SASS6: variants seen among roughly 807,000 people sequenced by gnomAD.
SASS6 encodes the protein spindle assembly abnormal protein 6 homolog.
Under a neutral mutation model 94.9 loss-of-function variants are expected in SASS6, and 59 were observed. The ratio of observed to expected loss-of-function variants is 0.62; its 90% CI spans 0.50 to 0.77. The LOEUF is 0.77. SASS6 is among the 30% of genes least tolerant of loss of function. The probability of loss-of-function intolerance (pLI) is 0.00; values close to 1 mark genes in which losing one functional copy is unlikely to be tolerated. For synonymous variants in SASS6, 264 were observed against 270.0 expected (o/e 0.98, Z 0.22); for missense variants, 698 against 734.1 (o/e 0.95, Z 0.57).
intron 7 of SASS6, among the ~76,000 whole-genome samples, chr1:100,113,477 C>T (rs1653535301): frequency 6.6e-6 from 1 of 151,840 alleles, no homozygotes. Flanking sequence ...AAAAATCAGC[C>T]AGGCGTGGTG....
At chr1:100,090,886 G>A (rs552322776) in intron 14 of SASS6, among the ~76,000 whole-genome samples, 18 of 152,262 alleles carry the variant, frequency 1.2e-4, no homozygotes, top group African/African-American at 4.1e-4. Context: ...TGAGCTGTAC[G>A]AATCTGACCC....
In SASS6 at chr1:100,108,000, A is replaced by T. The variant is rs1320188238; in HGVS notation, c.866T>A (p.Leu289Gln). The T allele has an allele frequency of 6.3e-7, 1 of 1,587,646 alleles. No homozygotes were observed. ...GAGGACTTCTTGCTTAGTCCGCTGT[A>T]GCTCCTAGAATGGGAAAAGAAAGAA... ...KAKLSGVEEE[L>Q]QRTKQEVLSL... The change falls in exon 9 of 17, where the codon CTA becomes CAA. Residue 289 changes from leucine (L) to glutamine (Q), a missense_variant. Transcript: ENST00000287482.
rs1191501120 is a variant in SASS6, at chr1:100,119,034, TTTTCA to T, written c.648_652del (p.Asn216LysfsTer16). ...TGTTCTTACCTGCAAGGCTTTTTCC[TTTTCA>T]TTTGTCAGTTCCTGAGAATGCTTGT... On this transcript the variant is annotated frameshift_variant, in exon 7 of 17. Coordinates refer to ENST00000287482, the MANE Select transcript of SASS6 (RefSeq NM_194292.3). LOFTEE classifies it high-confidence loss of function. 9 of 1,580,412 alleles carry T rather than the reference TTTTCA, an allele frequency of 5.7e-6. No homozygotes were observed. The highest frequency in any genetic ancestry group is 1.3e-5 in the African/African-American group (1 of 74,196).
chr1:100,095,616 TG>T (rs1652051636), intron 14 of SASS6, among the ~76,000 whole-genome samples: 1 of 152,058 alleles, frequency 6.6e-6, no homozygotes, highest in Admixed American at 6.6e-5. Flanking sequence ...GCAACCACAT[TG>T]GAAAGGAAGC....
chr1:100,098,438 G>A (rs1337095621), intron 14 of SASS6, among the ~76,000 whole-genome samples: 2 of 151,680 alleles, frequency 1.3e-5, no homozygotes, highest in Admixed American at 1.3e-4. Flanking sequence ...TGAATAAACA[G>A]GAGTTTTACA....
intron 2 of SASS6, among the ~76,000 whole-genome samples, chr1:100,124,378 T>C (rs1654414063): frequency 6.6e-6 from 1 of 152,130 alleles, no homozygotes; most frequent in Non-Finnish European, 1.5e-5. Context: ...AGAAAACAGA[T>C]GCTATATTTC....
At chr1:100,099,941 C>T (rs1652351003) in intron 14 of SASS6, among the ~76,000 whole-genome samples, 1 of 152,142 alleles carries the variant, frequency 6.6e-6, no homozygotes, top group South Asian at 2.1e-4. Flanking sequence ...ACTTCATAAT[C>T]TCCTTGATGA....
intron 8 of SASS6, among the ~76,000 whole-genome samples, chr1:100,108,382 A>T (rs956818169): frequency 6.6e-6 from 1 of 152,086 alleles, no homozygotes; most frequent in African/African-American, 2.4e-5. Context: ...ACATGTACAG[A>T]TTGTTTTTTA....
chr1:100,094,537 G>T (rs1651977495), intron 14 of SASS6, among the ~76,000 whole-genome samples: 1 of 152,092 alleles, frequency 6.6e-6, no homozygotes, highest in Non-Finnish European at 1.5e-5. Context: ...TATGAACATG[G>T]ACACAAAATC....
chr1:100,105,979 T>TCTTAA, intron 12 of SASS6, 76 bp from the exon 13 acceptor site: 4 of 971,754 alleles, frequency 4.1e-6, no homozygotes, highest in Non-Finnish European at 4.3e-6. Flanking sequence ...CATTTAAAAA[T>TCTTAA]TATATTAAGA....
chr1:100,090,596 G>A (rs1188295462), intron 14 of SASS6, among the ~76,000 whole-genome samples: 1 of 152,152 alleles, frequency 6.6e-6, no homozygotes, highest in African/African-American at 2.4e-5. Flanking sequence ...AACTTTGAAG[G>A]AGGGGAATCA....
chr1:100,091,625 C>A (rs551548), intron 14 of SASS6, among the ~76,000 whole-genome samples: 6 of 116,790 alleles, frequency 5.1e-5, no homozygotes, highest in Admixed American at 8.7e-5. Flanking sequence ...GTAAAAAAGT[C>A]TCATTAAAAA....
chr1:100,090,950 A>C (rs925640280), intron 14 of SASS6, among the ~76,000 whole-genome samples: 6 of 152,172 alleles, frequency 3.9e-5, no homozygotes, highest in African/African-American at 1.2e-4. Context: ...ACTACTGCCA[A>C]GGTCACAGAA....
rs151265429 is a variant in SASS6 at position 100,118,371 on chromosome 1, A to G, written c.669+647T>C. Reference sequence around the variant, plus strand: ...AAAACAATGTCAAGAATATGGGGAAATAAGTATCCTTATACACTACCTTAT... The same window carrying G: ...AAAACAATGTCAAGAATATGGGGAAGTAAGTATCCTTATACACTACCTTAT... On this transcript the variant is annotated intron_variant, in intron 7 of 16. Transcript: ENST00000287482. Among the ~76,000 whole-genome samples, 104 of 152,278 alleles carry G rather than the reference A, an allele frequency of 6.8e-4. 2 individuals carry two copies. In the East Asian group the frequency reaches 0.018, roughly 26 times the overall value.
Position 100,132,899 on chromosome 1 carries a change from AAGTTTG to A in SASS6, c.-91_-86del, listed in dbSNP as rs1180718408. 2.3e-6 allele frequency: 3 copies of A among 1,332,214 alleles called. No individual in the cohort carries two copies. The highest frequency in any genetic ancestry group is 3.2e-6 in the Non-Finnish European group (3 of 936,904). 82.5% of individuals were successfully genotyped at this position (1,332,214 alleles called of 1,614,324 possible). On this transcript the variant is annotated 5_prime_UTR_variant, in exon 1 of 17. Coordinates refer to ENST00000287482, the MANE Select transcript of SASS6 (RefSeq NM_194292.3). ...AGCCTGAGAGGTCCGGGTCCTGATA[AAGTTTG>A]AGTTTGGCGCTCGGCTTCTGCGGAG...
At chr1:100,111,257 T>C (rs981495159) in intron 7 of SASS6, among the ~76,000 whole-genome samples, 6 of 152,188 alleles carry the variant, frequency 3.9e-5, no homozygotes, top group South Asian at 2.1e-4. Context: ...TATATACTTA[T>C]ATTGACATCC....
intron 5 of SASS6, 58 bp from the exon 6 acceptor site, chr1:100,120,517 T>C: frequency 2.6e-6 from 2 of 783,328 alleles, no homozygotes; most frequent in South Asian, 2.9e-5. Flanking sequence ...ATAGCCATGC[T>C]ACTCAAAGTA....
In SASS6 at chr1:100,085,256, G is replaced by T; in HGVS notation, c.*72C>A. 2.1e-6 allele frequency: 2 copies of T among 934,140 alleles called. No homozygotes were observed. The highest frequency in any genetic ancestry group is 3.5e-6 in the Non-Finnish European group (2 of 564,404). The allele number at this position is 934,140 out of a possible 1,614,324, so 57.9% of individuals were successfully genotyped here. On this transcript the variant is annotated 3_prime_UTR_variant, in exon 17 of 17. Transcript: ENST00000287482. ...TTGAAACTTGCTATTTGAGGATCTG[G>T]TTTGTGTTGACATATTTTTTAAGCA...
intron 7 of SASS6, among the ~76,000 whole-genome samples, chr1:100,113,905 T>A (rs1042514239): frequency 6.6e-6 from 1 of 151,824 alleles, no homozygotes; most frequent in Non-Finnish European, 1.5e-5. Context: ...ACACCAGTAG[T>A]CCCTGCTACT....
Sources: gnomAD v4.1 joint callset for allele counts (sites outside exome capture counted in the v4.1 genomes callset) on GRCh38, gnomAD v4.1.1 for gene constraint, MANE v1.5 for transcripts, NCBI Gene and HGNC (gene_info 2026-07-23, HGNC 2026-07-21) for gene names.